The following GALNT13 variants were observed in gnomAD, a reference collection of about 807,000 sequenced individuals.
GALNT13 encodes the protein polypeptide N-acetylgalactosaminyltransferase 13.
A neutral mutation model predicts 64.2 loss-of-function variants in GALNT13; 28 were observed. The ratio of observed to expected loss-of-function variants is 0.44; its 90% confidence interval spans 0.32 to 0.60. The LOEUF is 0.60. GALNT13 is among the 20% of genes least tolerant of loss of function. The pLI is 0.05. For missense variants in GALNT13, 577 were observed against 669.8 expected (o/e 0.86, Z 1.53); for synonymous variants, 214 against 224.6 (o/e 0.95, Z 0.42).
chr2:154,140,033 G>T (rs897591380), intron 3 of GALNT13, among the ~76,000 whole-genome samples: 3 of 151,946 alleles, frequency 2.0e-5, no homozygotes, highest in African/African-American at 7.2e-5. Context: ...TTCAACTTCA[G>T]TTTTCTCTAA....
At chr2:154,334,962 G>C (rs1695358163) in intron 9 of GALNT13, among the ~76,000 whole-genome samples, 2 of 151,912 alleles carry the variant, frequency 1.3e-5, no homozygotes, top group African/African-American at 4.8e-5. Context: ...GACAAACTGT[G>C]ATCCTTCTGG....
At chr2:153,124,614 G>T in the GALNT13 span, among the ~76,000 whole-genome samples, 1 of 151,976 alleles carries the variant, frequency 6.6e-6, no homozygotes, top group African/African-American at 2.4e-5. Flanking sequence ...CAAGCGATTC[G>T]CCTGCCTCAG....
chr2:153,712,270 A>T, the GALNT13 span, among the ~76,000 whole-genome samples: 1 of 152,198 alleles, frequency 6.6e-6, no homozygotes. Flanking sequence ...TGACATTCTT[A>T]GAGATTACAG....
At chr2:154,447,045 A>C (rs1425416244) in intron 12 of GALNT13, among the ~76,000 whole-genome samples, 1 of 151,814 alleles carries the variant, frequency 6.6e-6, no homozygotes, top group East Asian at 1.9e-4. Context: ...ATATTATGAA[A>C]TATTAACTCT....
chr2:153,714,317 A>C, the GALNT13 span, among the ~76,000 whole-genome samples: 1 of 152,220 alleles, frequency 6.6e-6, no homozygotes, highest in Non-Finnish European at 1.5e-5. Context: ...TATGTCAAAG[A>C]GTTCTCAAAG....
intron 4 of GALNT13, among the ~76,000 whole-genome samples, chr2:154,216,802 C>CTTTTTT (rs397872685): frequency 9.3e-4 from 66 of 71,300 alleles, no homozygotes; most frequent in East Asian, 1.1e-3. Context: ...TTCTCTCTCT[C>CTTTTTT]TTTTTTTTTT....
chr2:153,222,662 C>T, the GALNT13 span, among the ~76,000 whole-genome samples: 4 of 152,266 alleles, frequency 2.6e-5, no homozygotes, highest in South Asian at 8.3e-4. Context: ...CACTGGCCTC[C>T]CTCCCGAGAT....
the GALNT13 span, among the ~76,000 whole-genome samples, chr2:153,321,433 G>A: frequency 6.6e-6 from 1 of 152,078 alleles, no homozygotes; most frequent in African/African-American, 2.4e-5. Flanking sequence ...GTAAGTATTT[G>A]TTAAATAATT....
chr2:153,613,869 G>T, the GALNT13 span, among the ~76,000 whole-genome samples: 37 of 151,996 alleles, frequency 2.4e-4, no homozygotes, highest in African/African-American at 8.5e-4. Context: ...GTCGTGGGGT[G>T]GGGGAGCAGG....
the GALNT13 span, among the ~76,000 whole-genome samples, chr2:153,277,927 C>CTTTTTTTTTTTTT: frequency 1.9e-4 from 15 of 80,106 alleles, 1 homozygote; most frequent in African/African-American, 2.3e-4. Flanking sequence ...TCTTTTCTTT[C>CTTTTTTTTTTTTT]TTTTTTTTTT....
chr2:154,019,478 C>T (rs1185575742), intron 3 of GALNT13, among the ~76,000 whole-genome samples: 1 of 151,608 alleles, frequency 6.6e-6, no homozygotes, highest in African/African-American at 2.4e-5. Flanking sequence ...ACTAAAAATG[C>T]AAAAAATTAG....
the GALNT13 span, among the ~76,000 whole-genome samples, chr2:153,783,458 C>A: frequency 6.6e-6 from 1 of 152,036 alleles, no homozygotes; most frequent in African/African-American, 2.4e-5. Context: ...CCAGAGAAGT[C>A]TTTTATAAAC....
At chr2:154,070,626 A>G (rs566220792) in intron 3 of GALNT13, among the ~76,000 whole-genome samples, 10 of 152,252 alleles carry the variant, frequency 6.6e-5, no homozygotes, top group African/African-American at 2.4e-4. Flanking sequence ...GTTTTTAAAA[A>G]GAAAAATTGG....
intron 3 of GALNT13, among the ~76,000 whole-genome samples, chr2:154,098,472 T>TG (rs945758617): frequency 6.6e-6 from 1 of 152,074 alleles, no homozygotes; most frequent in African/African-American, 2.4e-5. Context: ...ATTTTATATT[T>TG]GGGGGTACAT....
chr2:153,181,814 A>G, the GALNT13 span, among the ~76,000 whole-genome samples: 26 of 146,018 alleles, frequency 1.8e-4, no homozygotes, highest in East Asian at 3.7e-3. Flanking sequence ...TTACATAATT[A>G]TATTTATATA....
At chr2:153,746,461 A>G in the GALNT13 span, among the ~76,000 whole-genome samples, 2 of 152,200 alleles carry the variant, frequency 1.3e-5, no homozygotes, top group Admixed American at 1.3e-4. Context: ...ATTCACCTGT[A>G]ATGTTAAAGA....
the GALNT13 span, among the ~76,000 whole-genome samples, chr2:153,252,068 C>T: frequency 6.6e-6 from 1 of 150,568 alleles, no homozygotes; most frequent in African/African-American, 2.5e-5. Flanking sequence ...AATGGTTGAA[C>T]TAGTTTACAG....
the GALNT13 span, among the ~76,000 whole-genome samples, chr2:153,222,311 G>T: frequency 7.5e-5 from 10 of 132,728 alleles, no homozygotes; most frequent in South Asian, 5.4e-4. Flanking sequence ...TCTGGCTGGG[G>T]GGGGGGGGGG....
intron 10 of GALNT13, among the ~76,000 whole-genome samples, chr2:154,400,387 A>G (rs799749): frequency 0.35 from 52,652 of 151,966 alleles, 9,600 homozygotes; most frequent in African/African-American, 0.46. Flanking sequence ...AACAATTTAT[A>G]TATTTTTAAC....
Sources: gnomAD v4.1 joint callset for allele counts (sites outside exome capture counted in the v4.1 genomes callset) on GRCh38, gnomAD v4.1.1 for gene constraint, MANE v1.5 for transcripts, NCBI Gene and HGNC (gene_info 2026-07-23, HGNC 2026-07-21) for gene names.